KALRN: variants seen among roughly 807,000 people sequenced by gnomAD.
The protein encoded by KALRN is kalirin.
A neutral mutation model predicts 353.7 loss-of-function variants in KALRN; 70 were observed. That is an observed-to-expected ratio of 0.20 (90% CI 0.16 to 0.24). The LOEUF (loss-of-function observed/expected upper bound fraction) is 0.24. KALRN is among the 10% of genes least tolerant of loss of function. KALRN has a pLI of 1.00. For missense variants in KALRN, 2,791 were observed against 3,756.7 expected (o/e 0.74, Z 6.72); for synonymous variants, 1,391 against 1,434.8 (o/e 0.97, Z 0.69).
At chr3:124,717,817 C>CTT (rs202085010) in intron 59 of KALRN, among the ~76,000 whole-genome samples, 1 of 151,756 alleles carries the variant, frequency 6.6e-6, no homozygotes, top group Non-Finnish European at 1.5e-5. Flanking sequence ...AATATTATAA[C>CTT]TTTTTTTTAT....
intron 1 of KALRN, among the ~76,000 whole-genome samples, chr3:124,184,650 T>C (rs2073999220): frequency 6.6e-6 from 1 of 152,158 alleles, no homozygotes; most frequent in Admixed American, 6.5e-5. Flanking sequence ...CTTCTATAAT[T>C]GTGTGATGTA....
intron 10 of KALRN, among the ~76,000 whole-genome samples, chr3:124,378,591 G>A (rs1454176664): frequency 1.3e-5 from 2 of 152,152 alleles, no homozygotes; most frequent in East Asian, 3.9e-4. Context: ...ATCTGCTAGT[G>A]AAGAATTCTT....
At chr3:124,464,027 A>C (rs2060098843) in intron 25 of KALRN, among the ~76,000 whole-genome samples, 2 of 152,180 alleles carry the variant, frequency 1.3e-5, no homozygotes, top group African/African-American at 4.8e-5. Flanking sequence ...CAGATGTAGA[A>C]ATATCATGTC....
intron 33 of KALRN, among the ~76,000 whole-genome samples, chr3:124,529,000 C>T (rs1022424950): frequency 6.6e-6 from 1 of 152,142 alleles, no homozygotes; most frequent in Non-Finnish European, 1.5e-5. Flanking sequence ...GACTCAGACT[C>T]ATCTGTAGAT....
At chr3:124,679,019 T>C (rs1037856756) in intron 50 of KALRN, among the ~76,000 whole-genome samples, 1 of 152,238 alleles carries the variant, frequency 6.6e-6, no homozygotes, top group Non-Finnish European at 1.5e-5. Flanking sequence ...CACTGATTAT[T>C]ATAGCACTAA....
intron 17 of KALRN, among the ~76,000 whole-genome samples, chr3:124,438,417 T>C (rs1327934261): frequency 6.6e-6 from 1 of 152,124 alleles, no homozygotes; most frequent in Non-Finnish European, 1.5e-5. Flanking sequence ...ATGACATTCA[T>C]TTATGGCCTG....
intron 1 of KALRN, among the ~76,000 whole-genome samples, chr3:124,034,890 CA>C (rs1319236602): frequency 6.6e-6 from 1 of 152,118 alleles, no homozygotes; most frequent in Non-Finnish European, 1.5e-5. Context: ...TGGTGGGGGT[CA>C]GGGGTCAGGT....
At chr3:124,339,657 A>T (rs1159486657) in intron 9 of KALRN, among the ~76,000 whole-genome samples, 1 of 152,174 alleles carries the variant, frequency 6.6e-6, no homozygotes, top group Non-Finnish European at 1.5e-5. Flanking sequence ...TGCTCTTCAC[A>T]CTGTGTGTAC....
chr3:124,664,358 T>TGCGCGCGCGC (rs1381474899), intron 45 of KALRN, among the ~76,000 whole-genome samples: 1 of 123,116 alleles, frequency 8.1e-6, no homozygotes, highest in Non-Finnish European at 1.7e-5. Flanking sequence ...TGTGTGTGTG[T>TGCGCGCGCGC]GTGTGTGTGT....
chr3:124,713,547 C>T (rs558904578), intron 58 of KALRN, among the ~76,000 whole-genome samples: 197 of 152,272 alleles, frequency 1.3e-3, no homozygotes, highest in African/African-American at 4.6e-3. Flanking sequence ...CAACTCCATT[C>T]TACCACCCAA....
chr3:124,228,250 T>G (rs1692541887), intron 2 of KALRN, among the ~76,000 whole-genome samples, 186 bp downstream of exon 2: 1 of 152,118 alleles, frequency 6.6e-6, no homozygotes, highest in South Asian at 2.1e-4. Flanking sequence ...CCCAGCTGAG[T>G]GTTCTAAAGG....
intron 1 of KALRN, among the ~76,000 whole-genome samples, chr3:124,098,663 C>T (rs145656226): frequency 6.6e-6 from 1 of 152,298 alleles, no homozygotes; most frequent in Non-Finnish European, 1.5e-5. Context: ...CCTGTGTCTC[C>T]AATCCTGGAC....
chr3:124,570,253 CTT>C (rs1048393408), intron 34 of KALRN, among the ~76,000 whole-genome samples: 1 of 152,216 alleles, frequency 6.6e-6, no homozygotes, highest in Non-Finnish European at 1.5e-5. Flanking sequence ...TAAACATTTC[CTT>C]TCAGGTACGA....
intron 25 of KALRN, among the ~76,000 whole-genome samples, chr3:124,465,349 T>A (rs1455199135): frequency 6.6e-6 from 1 of 152,122 alleles, no homozygotes; most frequent in Non-Finnish European, 1.5e-5. Context: ...ACCTGGCACA[T>A]AAGTAAACAT....
At chr3:124,585,015 G>A in intron 34 of KALRN, 2 of 1,322,416 alleles carry the variant, frequency 1.5e-6, no homozygotes, top group Non-Finnish European at 1.0e-6. Flanking sequence ...TGGGGTAGGC[G>A]GATGGGGCTG....
chr3:124,621,698 C>A (rs1015759592), intron 34 of KALRN, among the ~76,000 whole-genome samples: 15 of 152,216 alleles, frequency 9.9e-5, no homozygotes. Context: ...ACTAAGTGGC[C>A]CAGGCACCAA....
intron 1 of KALRN, among the ~76,000 whole-genome samples, chr3:124,218,392 G>A (rs2077553045): frequency 6.6e-6 from 1 of 152,124 alleles, no homozygotes; most frequent in Admixed American, 6.5e-5. Context: ...TCTGCCCCTC[G>A]GCGCCTTTGT....
chr3:124,630,381 T>TGTTG (rs71145468), intron 34 of KALRN, among the ~76,000 whole-genome samples: 1 of 41,332 alleles, frequency 2.4e-5, no homozygotes, highest in African/African-American at 5.5e-5. Context: ...GGCCCAGTAG[T>TGTTG]GTTTGTTTGT....
Position 124,650,847 on chromosome 3 carries a change from C to T in KALRN, c.5704C>T (p.Pro1902Ser), listed in dbSNP as rs2083333025. 5 of 1,613,980 alleles carry T rather than the reference C, an allele frequency of 3.1e-6. No homozygotes were observed. Among genetic ancestry groups the T allele is most frequent in the Non-Finnish European group, 4.2e-6 (5 of 1,179,876 alleles). Residue 1902 changes from proline (P) to serine (S), a missense_variant, in exon 38 of 60, where the codon CCT (proline) becomes TCT (serine). This residue lies in a region of KALRN where 1,065 missense variants were observed against 1,156.4 expected (regional missense o/e 0.92). Coordinates refer to ENST00000682506, the MANE Select transcript of KALRN (RefSeq NM_001388419.1). ...GSSYRGSLKD[P>S]AGCLNEGMAP... is the part of the protein sequence containing the mutation. ...CTCATACCGGGGGAGCTTGAAAGAC[C>T]CTGCAGGCTGCCTGAATGAGGGGAT...
Sources: gnomAD v4.1 joint callset for allele counts (sites outside exome capture counted in the v4.1 genomes callset) on GRCh38, gnomAD v4.1.1 for gene constraint, gnomAD v4.1.1 regional missense constraint, MANE v1.5 for transcripts, NCBI Gene and HGNC (gene_info 2026-07-23, HGNC 2026-07-21) for gene names.